GON4L: variants seen among roughly 807,000 people sequenced by gnomAD.
GON4L encodes the protein GON-4-like protein.
A neutral mutation model predicts 211.8 loss-of-function variants in GON4L; 87 were observed. That is an observed-to-expected ratio of 0.41 (90% CI 0.35 to 0.49). GON4L has a LOEUF of 0.49. Ranked by LOEUF, GON4L falls within the 20% of genes least tolerant of loss-of-function variation. The pLI is 0.15. For missense variants in GON4L, 2,155 were observed against 2,659.5 expected (o/e 0.81, Z 4.17); for synonymous variants, 875 against 962.6 (o/e 0.91, Z 1.68).
At chr1:155,788,415 C>T (rs1188668887) in intron 12 of GON4L, among the ~76,000 whole-genome samples, 1 of 152,138 alleles carries the variant, frequency 6.6e-6, no homozygotes, top group Non-Finnish European at 1.5e-5. Context: ...ACTAAACATA[C>T]CCTGTGACCC....
chr1:155,804,390 A>G (rs537240293), intron 11 of GON4L, among the ~76,000 whole-genome samples: 1 of 152,244 alleles, frequency 6.6e-6, no homozygotes, highest in South Asian at 2.1e-4. Flanking sequence ...CAAAAACAAA[A>G]GACAACAACA....
At chr1:155,759,676 C>G (rs1203351322) in intron 24 of GON4L, among the ~76,000 whole-genome samples, 2 of 151,780 alleles carry the variant, frequency 1.3e-5, no homozygotes, top group South Asian at 4.2e-4. Context: ...AGAACTACCC[C>G]ACTGTCATTT....
At chr1:155,759,318 T>C (rs1465616489) in intron 24 of GON4L, among the ~76,000 whole-genome samples, 1 of 152,126 alleles carries the variant, frequency 6.6e-6, no homozygotes, top group Non-Finnish European at 1.5e-5. Context: ...ACACCTGTAA[T>C]CCCAGCAATT....
chr1:155,849,773 C>CAA (rs11330008), intron 2 of GON4L, among the ~76,000 whole-genome samples: 276 of 77,118 alleles, frequency 3.6e-3, no homozygotes, highest in African/African-American at 8.3e-3. Context: ...GACTCCGTCT[C>CAA]AAAAAAAAAA....
intron 12 of GON4L, among the ~76,000 whole-genome samples, chr1:155,786,944 C>CGGAGTCTTGCTCTGTCGCCCAGGCT (rs572560729): frequency 0.018 from 2,631 of 149,360 alleles, 82 homozygotes; most frequent in African/African-American, 0.062. Context: ...TTTTTTGAGA[C>CGGAGTCTTGCTCTGTCGCCCAGGCT]GGAGTCTTGC....
At position 155,763,525 on chromosome 1, in the gene GON4L, G is replaced by C. The variant is rs770926937; in HGVS notation, c.4513C>G (p.Arg1505Gly). Residue 1505 changes from arginine (R) to glycine (G), a missense_variant, in exon 22 of 32, where the codon CGC becomes GGC. Coordinates refer to ENST00000368331, the MANE Select transcript of GON4L (RefSeq NM_001282860.2). ...EKLTWLASER[R>G]MSQEGESEEE... ...TCAGACTCACCCTCCTGACTCATGC[G>C]CCTTTCAGATGCCAGCCAAGTCAGT... The C allele has an allele frequency of 3.6e-4, 562 of 1,549,128 alleles. 3 individuals are homozygous for C. Among genetic ancestry groups the C allele is most frequent in the Non-Finnish European group, 1.7e-5 (20 of 1,146,692 alleles).
chr1:155,757,205 T>G lies in GON4L; in HGVS notation c.5372A>C (p.Asn1791Thr). The change falls in exon 26 of 32, where the codon AAT becomes ACT. Residue 1791 changes from asparagine (N) to threonine (T), a missense_variant. Asn to Thr is a moderately conservative substitution (Grantham distance 65). Transcript: ENST00000368331. ...CTCATACTCCTTTTCCTCAGTCCAA[T>G]TGATCTCTTCAAAGTCACCCATCCG... ...ASRMGDFEEI[N>T]WTEEKEYEFD... is the part of the protein sequence containing the mutation. The G allele has an allele frequency of 5.0e-6, 8 of 1,613,916 alleles. No homozygotes were observed. The highest frequency in any genetic ancestry group is 6.8e-6 in the Non-Finnish European group (8 of 1,179,886).
intron 24 of GON4L, 45 bp downstream of exon 24, chr1:155,760,399 T>C (rs1017331835): frequency 8.0e-7 from 1 of 1,242,748 alleles, no homozygotes; most frequent in Non-Finnish European, 1.2e-6. Flanking sequence ...CCAGTCTCAC[T>C]CTGACCCAGG....
intron 10 of GON4L, among the ~76,000 whole-genome samples, chr1:155,811,391 C>CAAAAAAAA (rs777417019): frequency 2.4e-4 from 8 of 33,162 alleles, no homozygotes; most frequent in East Asian, 1.1e-3. Context: ...GACTCCGTCT[C>CAAAAAAAA]AAAAAAAAAA....
chr1:155,858,166 C>A (rs1400277577), upstream of GON4L, among the ~76,000 whole-genome samples: 1 of 152,056 alleles, frequency 6.6e-6, no homozygotes, highest in Non-Finnish European at 1.5e-5. Context: ...TAATTCAATA[C>A]GTGCTTTTTG....
At chr1:155,779,003 A>T (rs1200984164) in intron 14 of GON4L, among the ~76,000 whole-genome samples, 2 of 151,804 alleles carry the variant, frequency 1.3e-5, no homozygotes, top group Non-Finnish European at 2.9e-5. Context: ...GCGGTGGCTC[A>T]CGCCTGTAAT....
At chr1:155,851,962 T>G (rs1671836042) in intron 2 of GON4L, among the ~76,000 whole-genome samples, 1 of 151,620 alleles carries the variant, frequency 6.6e-6, no homozygotes, top group African/African-American at 2.4e-5. Context: ...GTCAGGAGTT[T>G]GAGACCAGCC....
At position 155,763,370 on chromosome 1, in the gene GON4L, A is replaced by C. The variant is rs529659780; in HGVS notation, c.4668T>G (p.Pro1556=). The change falls in exon 22 of 32, where the codon CCT becomes CCG. Residue 1556 remains proline, a synonymous_variant. Coordinates refer to ENST00000368331, the MANE Select transcript of GON4L (RefSeq NM_001282860.2). The part of the protein sequence containing the change: ...DEAVGDSAEK[P]PTFASPETAP... ...CAGTCTCAGGTGAAGCAAAAGTAGG[A>C]GGCTTCTCAGCAGAGTCTCCAACTG... The C allele has an allele frequency of 6.2e-7, 1 of 1,613,234 alleles. No homozygotes were observed. Among genetic ancestry groups the C allele is most frequent in the South Asian group, 1.1e-5 (1 of 90,870 alleles).
intron 11 of GON4L, among the ~76,000 whole-genome samples, chr1:155,803,653 G>C (rs1268463160): frequency 2.0e-5 from 3 of 152,116 alleles, no homozygotes; most frequent in Non-Finnish European, 4.4e-5. Flanking sequence ...ACTGTTCTAT[G>C]AGGTGCTATC....
intron 2 of GON4L, among the ~76,000 whole-genome samples, chr1:155,844,838 G>A (rs1386373762): frequency 6.6e-6 from 1 of 152,194 alleles, no homozygotes; most frequent in African/African-American, 2.4e-5. Flanking sequence ...ACCTCTAGCA[G>A]CTATCTTGTA....
chr1:155,835,438 C>T (rs1454494752), intron 2 of GON4L, among the ~76,000 whole-genome samples: 1 of 150,562 alleles, frequency 6.6e-6, no homozygotes, highest in Non-Finnish European at 1.5e-5. Flanking sequence ...TCCCCCTCTG[C>T]GAGAAACACC....
intron 12 of GON4L, among the ~76,000 whole-genome samples, chr1:155,788,126 G>T (rs1288235180): frequency 6.6e-6 from 1 of 152,060 alleles, no homozygotes; most frequent in East Asian, 1.9e-4. Flanking sequence ...TAAGTAGCTG[G>T]GACTACAGGC....
chr1:155,777,646 C>G lies in GON4L; in HGVS notation c.2067G>C (p.Lys689Asn), dbSNP rs774659112. ...QTLILDPAQRKRLQQQMQQHV... is the reference protein window; with the variant it reads ...QTLILDPAQRNRLQQQMQQHV... ...CCTGCTGCATCTGCTGCTGGAGTCT[C>G]TTCCTCTGTGCTGGGTCCAGAATCA... is the stretch of plus-strand genomic sequence containing the variant. The change falls in exon 15 of 32, where the codon AAG becomes AAC. Residue 689 changes from lysine to asparagine, a missense_variant. By Grantham distance (94) the Lys-to-Asn change is moderately conservative (BLOSUM62 0). Coordinates refer to ENST00000368331, the MANE Select transcript of GON4L (RefSeq NM_001282860.2). 7.4e-6 allele frequency: 12 copies of G among 1,613,658 alleles called. No individual in the cohort carries two copies. Among genetic ancestry groups the G allele is most frequent in the Non-Finnish European group, 3.4e-6 (4 of 1,179,736 alleles).
intron 17 of GON4L, among the ~76,000 whole-genome samples, chr1:155,773,612 A>G (rs796131245): frequency 5.9e-5 from 9 of 152,204 alleles, no homozygotes; most frequent in African/African-American, 2.2e-4. Context: ...AACTTCTTTA[A>G]TCTCCCTCAC....
Sources: allele counts gnomAD v4.1 joint callset (sites outside exome capture counted in the v4.1 genomes callset), GRCh38; gene constraint gnomAD v4.1.1; transcripts MANE v1.5; gene names NCBI Gene and HGNC (gene_info 2026-07-23, HGNC 2026-07-21).